The following XRN2 variants were observed in gnomAD, a reference collection of about 807,000 sequenced individuals.
The protein encoded by XRN2 is 5'-3' exoribonuclease 2, also known as DHM1-like protein.
In XRN2, 44 loss-of-function variants were observed where a neutral mutation model predicts 138.5. The ratio of observed to expected loss-of-function variants is 0.32; its 90% CI spans 0.25 to 0.41. The LOEUF (loss-of-function observed/expected upper bound fraction) is 0.41, where lower values mean the gene tolerates loss of function less well. Ranked by LOEUF, XRN2 falls within the 10% of genes least tolerant of loss-of-function variation. The pLI, the probability that XRN2 is intolerant of heterozygous loss-of-function variation, is 1.00. For missense variants in XRN2, 937 were observed against 1,169.3 expected, an observed-to-expected ratio of 0.80 and a Z score of 2.90; for synonymous variants, 354 against 369.4, an observed-to-expected ratio of 0.96 and a Z score of 0.48.
chr20:21,354,366 C>T (rs2038550238), intron 20 of XRN2, among the ~76,000 whole-genome samples: 2 of 152,142 alleles, frequency 1.3e-5, no homozygotes, highest in Non-Finnish European at 2.9e-5. Flanking sequence ...TTGAAATGCT[C>T]TCATTTTACA....
intron 1 of XRN2, among the ~76,000 whole-genome samples, chr20:21,313,803 A>G (rs752063169): frequency 1.3e-5 from 2 of 152,160 alleles, no homozygotes; most frequent in Non-Finnish European, 2.9e-5. Context: ...TGTGATAGGC[A>G]TCACTCTGAG....
intron 20 of XRN2, among the ~76,000 whole-genome samples, chr20:21,353,355 T>C (rs1054781614): frequency 1.3e-5 from 2 of 150,480 alleles, no homozygotes; most frequent in Non-Finnish European, 3.0e-5. Flanking sequence ...AAATAATGTT[T>C]TAGCAATTTC....
intron 1 of XRN2, among the ~76,000 whole-genome samples, chr20:21,310,734 A>T (rs924027612): frequency 1.3e-5 from 2 of 150,446 alleles, no homozygotes; most frequent in African/African-American, 4.9e-5. Flanking sequence ...GCTTTTTTTT[A>T]TTTTTATTTT....
intron 20 of XRN2, 119 bp from the exon 21 acceptor site, chr20:21,354,670 C>T (rs951062001): frequency 4.5e-6 from 4 of 886,242 alleles, no homozygotes; most frequent in Non-Finnish European, 7.1e-6. Flanking sequence ...GAGTTCAGTT[C>T]CAAAATGTTT....
chr20:21,318,688 G>A (rs1433045117), intron 1 of XRN2, among the ~76,000 whole-genome samples: 3 of 151,722 alleles, frequency 2.0e-5, no homozygotes, highest in East Asian at 1.9e-4. Context: ...CTGGTTTCCC[G>A]TTTGATTTCT....
chr20:21,306,991 C>A (rs1369885533), intron 1 of XRN2, among the ~76,000 whole-genome samples: 1 of 76,274 alleles, frequency 1.3e-5, no homozygotes, highest in Non-Finnish European at 3.1e-5. Context: ...GGTGACAGAG[C>A]GAGACTCCAT....
chr20:21,328,760 G>A, intron 4 of XRN2, 90 bp downstream of exon 4: 1 of 1,143,364 alleles, frequency 8.7e-7, no homozygotes, highest in East Asian at 2.5e-5. Context: ...AAAGAGGCAA[G>A]CTTTTAATTT....
chr20:21,370,083 G>C (rs916847569), intron 27 of XRN2, among the ~76,000 whole-genome samples: 3 of 152,146 alleles, frequency 2.0e-5, no homozygotes, highest in African/African-American at 7.2e-5. Flanking sequence ...TGGATATCCA[G>C]TTTTCCCAGC....
At chr20:21,382,970 TAC>T (rs1165526193) in intron 28 of XRN2, among the ~76,000 whole-genome samples, 1 of 152,226 alleles carries the variant, frequency 6.6e-6, no homozygotes. Context: ...CTGCCATGTT[TAC>T]AGTCTCTAAT....
intron 26 of XRN2, among the ~76,000 whole-genome samples, chr20:21,367,475 T>C (rs2038716978): frequency 6.6e-6 from 1 of 152,044 alleles, no homozygotes; most frequent in African/African-American, 2.4e-5. Flanking sequence ...GCAGAGTGAT[T>C]AAGAGCATGG....
chr20:21,363,343 G>A (rs1248041900), intron 24 of XRN2, among the ~76,000 whole-genome samples: 2 of 151,856 alleles, frequency 1.3e-5, no homozygotes, highest in South Asian at 2.1e-4. Flanking sequence ...TGCTAAAAAC[G>A]CCCTGCTGAA....
intron 27 of XRN2, among the ~76,000 whole-genome samples, chr20:21,381,763 C>T (rs1600721391): frequency 6.6e-6 from 1 of 151,696 alleles, no homozygotes; most frequent in Admixed American, 6.6e-5. Context: ...AGTTTAGTGA[C>T]CAGGGGTTAC....
At chr20:21,366,072 ATTATAT>A (rs1339106955) in intron 26 of XRN2, among the ~76,000 whole-genome samples, 19 of 117,106 alleles carry the variant, frequency 1.6e-4, no homozygotes, top group Middle Eastern at 7.6e-3. Flanking sequence ...ATAAATATAT[ATTATAT>A]TTATAGTTTA....
intron 1 of XRN2, among the ~76,000 whole-genome samples, chr20:21,320,598 CTTAT>C (rs929588571): frequency 3.4e-5 from 5 of 149,022 alleles, no homozygotes; most frequent in Non-Finnish European, 7.4e-5. Context: ...CACGCCCGGC[CTTAT>C]TTATTTATTT....
intron 13 of XRN2, among the ~76,000 whole-genome samples, chr20:21,336,775 A>T (rs1352680584): frequency 2.0e-5 from 3 of 152,196 alleles, no homozygotes; most frequent in African/African-American, 7.2e-5. Flanking sequence ...AAAGCAGGTG[A>T]GGAGGCATCT....
In XRN2 at chr20:21,357,008, G is replaced by A. The variant is rs549666330; in HGVS notation, c.2198+343G>A. 7.5e-4 allele frequency among the ~76,000 whole-genome samples: 114 copies of A among 152,298 alleles called. 1 individual carries two copies. Among genetic ancestry groups the A allele is most frequent in the South Asian group, 4.8e-3 (23 of 4,830 alleles). The stretch of plus-strand genomic sequence containing the variant: ...AGAGGCCTCTCAAGAGATAGAAGCA[G>A]AGGAGAGTAGCTATTAAATAGATAC... On this transcript the variant is annotated intron_variant, in intron 23 of 29. Coordinates refer to ENST00000377191, the MANE Select transcript of XRN2 (RefSeq NM_012255.5).
intron 23 of XRN2, among the ~76,000 whole-genome samples, chr20:21,356,993 C>A (rs1175591065): frequency 6.6e-6 from 1 of 152,044 alleles, no homozygotes; most frequent in Admixed American, 6.5e-5. Flanking sequence ...AGAGGCCTCT[C>A]AAGAGATAGA....
chr20:21,332,489 G>A (rs761227194), intron 9 of XRN2, 49 bp downstream of exon 9: 2 of 1,465,334 alleles, frequency 1.4e-6, no homozygotes, highest in Non-Finnish European at 1.8e-6. Context: ...AAAATCTATT[G>A]TGGTAAAATG....
intron 1 of XRN2, among the ~76,000 whole-genome samples, chr20:21,309,315 T>A (rs1359319601): frequency 6.6e-6 from 1 of 152,212 alleles, no homozygotes; most frequent in East Asian, 1.9e-4. Flanking sequence ...AAGCTGCAAA[T>A]TAAGTTTCTT....
Sources: gnomAD v4.1 joint callset for allele counts (sites outside exome capture counted in the v4.1 genomes callset) on GRCh38, gnomAD v4.1.1 for gene constraint, MANE v1.5 for transcripts, NCBI Gene and HGNC (gene_info 2026-07-23, HGNC 2026-07-21) for gene names.